The following DMXL1 variants were observed in gnomAD, a reference collection of about 807,000 sequenced individuals.
DMXL1 encodes dmX-like protein 1.
A neutral mutation model predicts 319.2 loss-of-function variants in DMXL1; 99 were observed. The ratio of observed to expected loss-of-function variants is 0.31; its 90% CI spans 0.26 to 0.37. DMXL1 has a LOEUF of 0.37. DMXL1 is among the 10% of genes least tolerant of loss of function. DMXL1 has a pLI of 1.00. For missense variants in DMXL1, 3,745 were observed against 3,595.6 expected, an observed-to-expected ratio of 1.04 and a Z score of -1.06; for synonymous variants, 1,385 against 1,235.2, an observed-to-expected ratio of 1.12 and a Z score of -2.54.
intron 13 of DMXL1, among the ~76,000 whole-genome samples, chr5:119,139,626 C>G (rs1766834667): frequency 6.6e-6 from 1 of 152,124 alleles, no homozygotes; most frequent in African/African-American, 2.4e-5. Context: ...ATTCATAAAA[C>G]AACTTCTTAG....
At chr5:119,236,631 A>G (rs973526874) in intron 39 of DMXL1, 1 of 152,006 alleles carries the variant, frequency 6.6e-6, no homozygotes, top group Non-Finnish European at 1.5e-5. Flanking sequence ...TACTCATAGA[A>G]ACAAATCTGA....
chr5:119,144,426 C>A (rs1204441395), intron 14 of DMXL1, 110 bp from the exon 15 acceptor site: 39 of 794,068 alleles, frequency 4.9e-5, no homozygotes, highest in Non-Finnish European at 7.4e-5. Context: ...GAACTTTTGA[C>A]TTCTTATTCT....
intron 5 of DMXL1, among the ~76,000 whole-genome samples, chr5:119,111,886 AT>A (rs367767861): frequency 7.2e-5 from 11 of 152,356 alleles, no homozygotes; most frequent in Non-Finnish European, 1.5e-4. Context: ...CAGAAAAAGG[AT>A]GAATGTTATC....
chr5:119,180,436 C>T (rs116029209), intron 28 of DMXL1, among the ~76,000 whole-genome samples: 298 of 152,162 alleles, frequency 2.0e-3, no homozygotes, highest in African/African-American at 6.8e-3. Flanking sequence ...ACTCATCCAC[C>T]TACCACACTT....
intron 37 of DMXL1, among the ~76,000 whole-genome samples, chr5:119,224,204 G>A (rs909075338): frequency 2.0e-5 from 3 of 151,940 alleles, no homozygotes; most frequent in African/African-American, 7.2e-5. Context: ...TTGTAGTTAT[G>A]ATGCTATATA....
intron 25 of DMXL1, among the ~76,000 whole-genome samples, chr5:119,175,037 T>G (rs561001272): frequency 6.6e-6 from 1 of 152,194 alleles, no homozygotes; most frequent in East Asian, 1.9e-4. Flanking sequence ...CAAATGTGTG[T>G]TTTATAATTT....
chr5:119,179,306 C>CAA (rs137904079), intron 28 of DMXL1, among the ~76,000 whole-genome samples: 1 of 119,106 alleles, frequency 8.4e-6, no homozygotes, highest in African/African-American at 3.2e-5. Flanking sequence ...AATGTTTTTC[C>CAA]AAAAAAAAAA....
At chr5:119,237,457 A>G (rs2150716818) in intron 40 of DMXL1, 43 bp downstream of exon 40, 2 of 1,241,516 alleles carry the variant, frequency 1.6e-6, no homozygotes, top group Non-Finnish European at 2.3e-6. Context: ...TTGAATTTTC[A>G]TTTTAAATAA....
intron 19 of DMXL1, among the ~76,000 whole-genome samples, chr5:119,159,240 C>T (rs78676406): frequency 0.019 from 2,844 of 152,098 alleles, 57 homozygotes; most frequent in Non-Finnish European, 0.029. Flanking sequence ...TCAGGTGATT[C>T]TCCTACTTCA....
intron 38 of DMXL1, among the ~76,000 whole-genome samples, chr5:119,228,504 A>G (rs1370401925): frequency 1.3e-5 from 2 of 152,240 alleles, no homozygotes; most frequent in African/African-American, 4.8e-5. Context: ...CCTTCATGCA[A>G]TTTCTGGAAT....
chr5:119,157,252 AT>A (rs1343597301), intron 19 of DMXL1, among the ~76,000 whole-genome samples: 1 of 152,204 alleles, frequency 6.6e-6, no homozygotes, highest in African/African-American at 2.4e-5. Flanking sequence ...GATTGCAGAT[AT>A]TATTTCCCAA....
In DMXL1 at chr5:119,149,256, T is replaced by C. The variant is rs557388669; in HGVS notation, c.3429T>C (p.Asp1143=). 10 of 1,613,914 alleles carry C rather than the reference T, an allele frequency of 6.2e-6. No individual in the cohort carries two copies. The highest frequency in any genetic ancestry group is 8.5e-6 in the Non-Finnish European group (10 of 1,179,866). Residue 1143 remains aspartate (D), a synonymous_variant, in exon 18 of 44, where the codon GAT becomes GAC. Transcript: ENST00000539542. ...ACACAAAGCATTTAGTTCACTTAGA[T>C]TGGATGTCTAGAGAAGACGGTTCTC... The part of the protein sequence containing the change: ...TSNTKHLVHL[D]WMSREDGSHI...
chr5:119,133,181 A>G lies in DMXL1; in HGVS notation c.1365A>G (p.Glu455=), dbSNP rs1244784524. 2 of 1,614,208 alleles carry G rather than the reference A, an allele frequency of 1.2e-6. No individual in the cohort carries two copies. The highest frequency in any genetic ancestry group is 3.3e-5 in the Admixed American group (2 of 60,026). Residue 455 remains glutamate, a synonymous_variant, in exon 11 of 44, where the codon GAA becomes GAG. Coordinates refer to ENST00000539542, the MANE Select transcript of DMXL1 (RefSeq NM_001290321.3). ...DDLKINPEKK[E]LGCDKMVPNS... Reference sequence around the variant, plus strand: ...TGAAAATAAATCCCGAAAAGAAGGAATTAGGCTGTGATAAAATGGTACCAA... The same window carrying G: ...TGAAAATAAATCCCGAAAAGAAGGAGTTAGGCTGTGATAAAATGGTACCAA...
chr5:119,205,984 T>C (rs1021028269), intron 33 of DMXL1, among the ~76,000 whole-genome samples: 12 of 152,088 alleles, frequency 7.9e-5, no homozygotes, highest in African/African-American at 2.7e-4. Flanking sequence ...AACTGCTCTT[T>C]CTTTATTTCT....
chr5:119,080,115 G>A (rs1580566941), intron 1 of DMXL1, among the ~76,000 whole-genome samples: 1 of 152,350 alleles, frequency 6.6e-6, no homozygotes, highest in East Asian at 1.9e-4. Flanking sequence ...GGGAGGCTGA[G>A]GCGGGTGGAT....
intron 34 of DMXL1, among the ~76,000 whole-genome samples, chr5:119,207,487 G>T (rs1166338424): frequency 2.0e-5 from 3 of 152,056 alleles, no homozygotes; most frequent in African/African-American, 7.2e-5. Flanking sequence ...AAAACTCCTA[G>T]GCGTCCTGTG....
chr5:119,073,542 A>G (rs1483147085), intron 1 of DMXL1, among the ~76,000 whole-genome samples: 3 of 152,178 alleles, frequency 2.0e-5, no homozygotes, highest in Non-Finnish European at 2.9e-5. Flanking sequence ...GATTAGATAG[A>G]TGGTCATCCT....
At chr5:119,122,032 C>T (rs1335456937) in intron 9 of DMXL1, among the ~76,000 whole-genome samples, 3 of 143,516 alleles carry the variant, frequency 2.1e-5, no homozygotes, top group Non-Finnish European at 3.1e-5. Flanking sequence ...GCTGGCCGGG[C>T]AGGGGGCTGA....
At chr5:119,148,066 C>T (rs1768970495) in intron 17 of DMXL1, among the ~76,000 whole-genome samples, 1 of 152,094 alleles carries the variant, frequency 6.6e-6, no homozygotes, top group African/African-American at 2.4e-5. Context: ...GAATACTAAT[C>T]AAAAATACAA....
Sources: allele counts gnomAD v4.1 joint callset (sites outside exome capture counted in the v4.1 genomes callset), GRCh38; gene constraint gnomAD v4.1.1; transcripts MANE v1.5; gene names NCBI Gene and HGNC (gene_info 2026-07-23, HGNC 2026-07-21).